Variants in HOTAIR observed in about 807,000 individuals in gnomAD.
The protein encoded by HOTAIR is HOX transcript antisense RNA.
intron 1 of HOTAIR, among the ~76,000 whole-genome samples, chr12:53,970,741 A>G (rs1939135554): frequency 6.6e-6 from 1 of 152,134 alleles, no homozygotes; most frequent in African/African-American, 2.4e-5. Context: ...GCTCACTTTT[A>G]TGGTGGCCCA....
intron 5 of HOTAIR, among the ~76,000 whole-genome samples, chr12:53,964,749 G>C (rs1158837361): frequency 6.6e-6 from 1 of 152,188 alleles, no homozygotes; most frequent in Non-Finnish European, 1.5e-5. Context: ...GGAGACAGTA[G>C]GGTCTCCCAA....
rs747870649 is a variant in HOTAIR, at chr12:53,973,488, T to C, written n.59+1410A>G. 3 of 1,614,016 alleles carry C rather than the reference T, an allele frequency of 1.9e-6. No individual in the cohort carries two copies. The highest frequency in any genetic ancestry group is 1.1e-5 in the South Asian group (1 of 91,064). ...CTACGGCCTGGAGCCATCCGGCAAG[T>C]GGCACCATCGGAACAGCTACTCCTC... On this transcript the variant is annotated intron_variant and non_coding_transcript_variant, in intron 1 of 6. Transcript: ENST00000424518. The surrounding 1 kb of genome is among the most constrained non-coding windows in gnomAD (Gnocchi z 4.3).
chr12:53,967,715 C>G (rs1939080422), intron 2 of HOTAIR, among the ~76,000 whole-genome samples: 1 of 152,082 alleles, frequency 6.6e-6, no homozygotes, highest in South Asian at 2.1e-4. Flanking sequence ...AAGGGGAGCT[C>G]CAGTTAGTGA....
At chr12:53,970,116 C>A (rs967408450) in intron 1 of HOTAIR, among the ~76,000 whole-genome samples, 1 of 152,260 alleles carries the variant, frequency 6.6e-6, no homozygotes, top group Non-Finnish European at 1.5e-5. Context: ...GCCAGGCTGG[C>A]TGATGGCGCT....
At chr12:53,962,759 G>GA (rs1412972039) in exon 7 of HOTAIR, 2 of 151,922 alleles carry the variant, frequency 1.3e-5, no homozygotes, top group Admixed American at 6.6e-5. Flanking sequence ...TACCCCTTCT[G>GA]TGTCTACATG....
chr12:53,968,774 C>A (rs958088696), intron 1 of HOTAIR: 1 of 152,016 alleles, frequency 6.6e-6, no homozygotes, highest in East Asian at 1.9e-4. Context: ...AGATCCCAAA[C>A]AAATGATTCT....
At chr12:53,963,744 C>G (rs1196611429) in exon 7 of HOTAIR, 1 of 152,180 alleles carries the variant, frequency 6.6e-6, no homozygotes. Flanking sequence ...GCTTGGTGGG[C>G]CCGGTGTGGG....
At position 53,970,720 on chromosome 12, in the gene HOTAIR, G is replaced by A. The variant is rs181812146; in HGVS notation, n.60-1964C>T. On this transcript the variant is annotated intron_variant and non_coding_transcript_variant, in intron 1 of 6. Coordinates refer to ENST00000424518, the Ensembl canonical transcript of HOTAIR. ...GAAATAGGGCCGCCAGCAGCTCCTT[G>A]TTGCCGCCTGGCTCACTTTTATGGT... is the stretch of plus-strand genomic sequence containing the variant. Among the ~76,000 whole-genome samples, 542 of 152,304 alleles carry A rather than the reference G, an allele frequency of 3.6e-3. 1 individual carries two copies. The highest frequency in any genetic ancestry group is 0.012 in the African/African-American group (489 of 41,576).
At chr12:53,971,297 G>A (rs1021986837) in intron 1 of HOTAIR, among the ~76,000 whole-genome samples, 3 of 152,188 alleles carry the variant, frequency 2.0e-5, no homozygotes, top group African/African-American at 4.8e-5. Flanking sequence ...AGCATTGAGT[G>A]CGTAGAGGGG....
intron 1 of HOTAIR, among the ~76,000 whole-genome samples, chr12:53,972,591 T>G (rs987923968): frequency 6.6e-6 from 1 of 152,218 alleles, no homozygotes; most frequent in African/African-American, 2.4e-5. Context: ...AGAAAGGTAG[T>G]CTTGACACCC....
chr12:53,968,930 T>A (rs955060077), intron 1 of HOTAIR: 2 of 152,292 alleles, frequency 1.3e-5, no homozygotes, highest in Non-Finnish European at 2.9e-5. Context: ...TGTTCCCTTT[T>A]GCATTTTCGA....
exon 1 of HOTAIR, chr12:53,974,933 C>G (rs1006738783): frequency 4.9e-5 from 25 of 509,844 alleles, no homozygotes; most frequent in African/African-American, 4.9e-4. Context: ...ACCCTGTCAG[C>G]CGCGGCTCTC....
chr12:53,971,099 C>T (rs1219244760), intron 1 of HOTAIR, among the ~76,000 whole-genome samples: 1 of 152,068 alleles, frequency 6.6e-6, no homozygotes, highest in East Asian at 1.9e-4. Context: ...TCCATAGTTC[C>T]CCACCACTAT....
Position 53,973,448 on chromosome 12 carries a change from G to A in HOTAIR, n.59+1450C>T. The A allele has an allele frequency of 6.2e-7, 1 of 1,613,964 alleles. No individual in the cohort carries two copies. The highest frequency in any genetic ancestry group is 8.5e-7 in the Non-Finnish European group (1 of 1,179,992). The stretch of plus-strand genomic sequence containing the variant: ...ATCCCTACTCGGCCCAAGTGCCCCC[G>A]GTCCGGGAGGTCTCCTACGGCCTGG... On this transcript the variant is annotated intron_variant and non_coding_transcript_variant, in intron 1 of 6. Transcript: ENST00000424518. The surrounding 1 kb of genome is among the most constrained non-coding windows in gnomAD (Gnocchi z 4.3).
chr12:53,973,804 G>T lies in HOTAIR; in HGVS notation n.59+1094C>A, dbSNP rs1484716697. The T allele has an allele frequency of 5.7e-6, 9 of 1,575,706 alleles. No homozygotes were observed. The highest frequency in any genetic ancestry group is 1.4e-5 in the African/African-American group (1 of 73,330). On this transcript the variant is annotated intron_variant and non_coding_transcript_variant, in intron 1 of 6. Coordinates refer to ENST00000424518, the Ensembl canonical transcript of HOTAIR. The surrounding 1 kb of genome is among the most constrained non-coding windows in gnomAD (Gnocchi z 4.3). ...GAGCCCGAGGCACCCCCGGCCTCGG[G>T]ACTGGCGTCCCGGGCTGAGGCGGGT...
chr12:53,972,103 A>G (rs1162066925), intron 1 of HOTAIR, among the ~76,000 whole-genome samples: 1 of 152,096 alleles, frequency 6.6e-6, no homozygotes, highest in African/African-American at 2.4e-5. Flanking sequence ...AGTCCTCAAA[A>G]TCATCCAAGG....
At chr12:53,972,686 A>G (rs550587854) in intron 1 of HOTAIR, among the ~76,000 whole-genome samples, 1 of 152,266 alleles carries the variant, frequency 6.6e-6, no homozygotes, top group South Asian at 2.1e-4. Context: ...AGAGTCCCTG[A>G]GATTTAAGGG....
chr12:53,971,772 TA>T (rs1434503815), intron 1 of HOTAIR, among the ~76,000 whole-genome samples: 2 of 152,200 alleles, frequency 1.3e-5, no homozygotes, highest in African/African-American at 4.8e-5. Flanking sequence ...AACCTTTCAA[TA>T]AAGTGATTTT....
rs1252411319 is a variant in HOTAIR, at chr12:53,973,796, G to A, written n.59+1102C>T. On this transcript the variant is annotated intron_variant and non_coding_transcript_variant, in intron 1 of 6. Coordinates refer to ENST00000424518, the Ensembl canonical transcript of HOTAIR. This position sits in a 1 kb window ranked among gnomAD's most constrained non-coding sequence, Gnocchi z 4.3. ...CCAAGGGGGAGCCCGAGGCACCCCC[G>A]GCCTCGGGACTGGCGTCCCGGGCTG... 11 of 1,592,048 alleles carry A rather than the reference G, an allele frequency of 6.9e-6. No homozygotes were observed. The highest frequency in any genetic ancestry group is 1.8e-5 in the Admixed American group (1 of 55,300).
Sources: allele counts gnomAD v4.1 joint callset (sites outside exome capture counted in the v4.1 genomes callset), GRCh38; gene constraint gnomAD v4.1.1; non-coding constraint Gnocchi (gnomAD v3.1); transcripts MANE v1.5; gene names NCBI Gene and HGNC (gene_info 2026-07-23, HGNC 2026-07-21).